Variants in COX7B2 observed in about 807,000 individuals in gnomAD.
The protein encoded by COX7B2 is cytochrome c oxidase subunit 7B2.
For synonymous variants in COX7B2, 37 were observed against 32.1 expected (o/e 1.15, Z -0.51); for missense variants, 109 against 95.9 (o/e 1.14, Z -0.57).
At chr4:46,879,941 G>A (rs1718607864) in intron 1 of COX7B2, among the ~76,000 whole-genome samples, 1 of 152,144 alleles carries the variant, frequency 6.6e-6, no homozygotes, top group Admixed American at 6.5e-5. Flanking sequence ...AATTACATGA[G>A]TATATTCTTT....
intron 1 of COX7B2, among the ~76,000 whole-genome samples, chr4:46,864,676 G>A (rs1027631890): frequency 3.3e-5 from 5 of 150,032 alleles, no homozygotes; most frequent in South Asian, 2.2e-4. Flanking sequence ...TTGTTTAGAC[G>A]GAGTCTCGCC....
intron 2 of COX7B2, among the ~76,000 whole-genome samples, chr4:46,830,514 A>G (rs1715005748): frequency 6.6e-6 from 1 of 152,148 alleles, no homozygotes; most frequent in East Asian, 1.9e-4. Context: ...GTGTTCATTA[A>G]TAGAAGGAAA....
At chr4:46,851,444 G>A (rs1419700451) in intron 1 of COX7B2, among the ~76,000 whole-genome samples, 1 of 151,990 alleles carries the variant, frequency 6.6e-6, no homozygotes, top group African/African-American at 2.4e-5. Flanking sequence ...GATAAAAGCT[G>A]CAAAATTAGT....
intron 2 of COX7B2, among the ~76,000 whole-genome samples, chr4:46,795,467 C>G (rs1187999553): frequency 1.5e-5 from 2 of 131,672 alleles, no homozygotes; most frequent in Non-Finnish European, 3.1e-5. Flanking sequence ...ATCCTTTCCC[C>G]ATTGCTTGTT....
intron 2 of COX7B2, among the ~76,000 whole-genome samples, chr4:46,813,299 G>A (rs1719380243): frequency 1.3e-5 from 2 of 152,140 alleles, no homozygotes; most frequent in African/African-American, 4.8e-5. Flanking sequence ...TGTAAATACT[G>A]CTGCAGTAAA....
chr4:46,892,210 TA>T (rs1187742740), intron 1 of COX7B2, among the ~76,000 whole-genome samples: 2 of 152,214 alleles, frequency 1.3e-5, no homozygotes, highest in African/African-American at 4.8e-5. Flanking sequence ...ACCACTGTTA[TA>T]GATTATGGTA....
chr4:46,832,644 G>A (rs1229952005), intron 2 of COX7B2, among the ~76,000 whole-genome samples: 1 of 152,134 alleles, frequency 6.6e-6, no homozygotes. Context: ...AGAGGGAGGT[G>A]ATTGGCGCAT....
At chr4:46,797,010 T>A (rs1718388745) in intron 2 of COX7B2, among the ~76,000 whole-genome samples, 1 of 78,170 alleles carries the variant, frequency 1.3e-5, no homozygotes, top group Non-Finnish European at 2.2e-5. Context: ...CATTAGTGGG[T>A]GCAGCGCACA....
In COX7B2 at chr4:46,884,342, C is replaced by G. The variant is rs181781258; in HGVS notation, c.-105+24818G>C. On this transcript the variant is annotated intron_variant, in intron 1 of 2. Transcript: ENST00000355591. The stretch of plus-strand genomic sequence containing the variant: ...ACAGTGCTGAGATTACATGCATGAG[C>G]CACCATGGCCAGACTGCATTTCCTT... Among the ~76,000 whole-genome samples, 31 of 152,240 alleles carry G rather than the reference C, an allele frequency of 2.0e-4. No homozygotes were observed. The East Asian group carries it at 2.5e-3, about 12-fold the overall frequency.
chr4:46,783,959 C>A (rs941563839), intron 2 of COX7B2, among the ~76,000 whole-genome samples: 4 of 152,160 alleles, frequency 2.6e-5, no homozygotes, highest in African/African-American at 7.2e-5. Flanking sequence ...TGTCTTTTGG[C>A]AGATGACATG....
intron 2 of COX7B2, among the ~76,000 whole-genome samples, chr4:46,816,034 A>T (rs1319231020): frequency 6.6e-6 from 1 of 152,174 alleles, no homozygotes; most frequent in African/African-American, 2.4e-5. Context: ...GGCCCTCCTT[A>T]TATCCTCACC....
At chr4:46,879,097 C>T (rs1015091213) in intron 1 of COX7B2, among the ~76,000 whole-genome samples, 1 of 152,052 alleles carries the variant, frequency 6.6e-6, no homozygotes, top group African/African-American at 2.4e-5. Flanking sequence ...GAACTAAGGC[C>T]GTGATTTTTT....
intron 2 of COX7B2, among the ~76,000 whole-genome samples, chr4:46,818,134 T>C (rs1416511208): frequency 4.6e-5 from 7 of 152,096 alleles, no homozygotes; most frequent in South Asian, 4.1e-4. Context: ...AAAATTAGAA[T>C]AGGTAAAGGA....
At chr4:46,746,165 C>T (rs1355757781) in intron 2 of COX7B2, among the ~76,000 whole-genome samples, 1 of 151,982 alleles carries the variant, frequency 6.6e-6, no homozygotes, top group East Asian at 1.9e-4. Context: ...CTTTATATTG[C>T]CCTTTAATAT....
At position 46,762,441 on chromosome 4, in the gene COX7B2, GTA is replaced by G. The variant is rs997508973; in HGVS notation, c.-49-27202_-49-27201del. On this transcript the variant is annotated intron_variant, in intron 2 of 2. Transcript: ENST00000355591. ...AATATATATATTTACTATATATACT[GTA>G]TATATATACTATATATAGTATATGT... 1.2e-3 allele frequency among the ~76,000 whole-genome samples: 155 copies of G among 131,410 alleles called. 1 individual carries two copies. The highest frequency in any genetic ancestry group is 4.1e-3 in the African/African-American group (145 of 35,186). 86.2% of individuals were successfully genotyped at this position (131,410 alleles called of 152,430 possible).
intron 1 of COX7B2, among the ~76,000 whole-genome samples, chr4:46,846,846 C>T (rs1469769826): frequency 6.6e-6 from 1 of 151,812 alleles, no homozygotes; most frequent in African/African-American, 2.4e-5. Context: ...AATGTAGAGT[C>T]AAGGATGATA....
At position 46,830,324 on chromosome 4, in the gene COX7B2, C is replaced by CA. The variant is rs201868075; in HGVS notation, c.-50+14635dup. Among the ~76,000 whole-genome samples the CA allele has an allele frequency of 9.4e-3, 763 of 81,452 alleles. 4 individuals carry two copies. The highest frequency in any genetic ancestry group is 0.021 in the Middle Eastern group (3 of 146). 53.4% of individuals were successfully genotyped at this position (81,452 alleles called of 152,430 possible). Reference sequence around the variant, plus strand: ...GGGCTACAGAGCAAGACTCTGTCTCCAAAAAAAAAAAAAAAAAAAGAAAAA... The same window carrying CA: ...GGGCTACAGAGCAAGACTCTGTCTCCAAAAAAAAAAAAAAAAAAAAGAAAAA... On this transcript the variant is annotated intron_variant, in intron 2 of 2. Coordinates refer to ENST00000355591, the MANE Select transcript of COX7B2 (RefSeq NM_130902.3).
chr4:46,830,378 A>G (rs1035977356), intron 2 of COX7B2, among the ~76,000 whole-genome samples: 2 of 151,790 alleles, frequency 1.3e-5, no homozygotes, highest in African/African-American at 2.4e-5. Context: ...AAAAGAAACA[A>G]TGTATGTAGG....
At position 46,797,917 on chromosome 4, in the gene COX7B2, T is replaced by A. The variant is rs530676580; in HGVS notation, c.-50+47043A>T. 6.6e-5 allele frequency among the ~76,000 whole-genome samples: 10 copies of A among 152,290 alleles called. No homozygotes were observed. The East Asian group carries it at 1.9e-3, about 29-fold the overall frequency. On this transcript the variant is annotated intron_variant, in intron 2 of 2. Coordinates refer to ENST00000355591, the MANE Select transcript of COX7B2 (RefSeq NM_130902.3). ...GTAAAGACACCAGCAGTGGTCTGTT[T>A]TCAGCTGGCAAGGCAACAATATAAC...
Sources: allele counts gnomAD v4.1 joint callset (sites outside exome capture counted in the v4.1 genomes callset), GRCh38; gene constraint gnomAD v4.1.1; transcripts MANE v1.5; gene names NCBI Gene and HGNC (gene_info 2026-07-23, HGNC 2026-07-21).